MBOAT2: variants seen among roughly 807,000 people sequenced by gnomAD.
The protein encoded by MBOAT2 is membrane bound glycerophospholipid O-acyltransferase 2, also known as membrane-bound glycerophospholipid O-acyltransferase 2.
In MBOAT2, 28 loss-of-function variants were observed where a neutral mutation model predicts 63.4. The observed-to-expected ratio is 0.44, with a 90% CI of 0.33 to 0.61. The LOEUF (loss-of-function observed/expected upper bound fraction) is 0.61, where lower values mean the gene tolerates loss of function less well. MBOAT2 is among the 20% of genes least tolerant of loss of function. The pLI is 0.03. For missense variants in MBOAT2, 470 were observed against 605.8 expected (o/e 0.78, Z 2.35); for synonymous variants, 211 against 215.6 (o/e 0.98, Z 0.19).
intron 3 of MBOAT2, among the ~76,000 whole-genome samples, chr2:8,934,525 G>A (rs1305314424): frequency 6.6e-6 from 1 of 152,038 alleles, no homozygotes; most frequent in Non-Finnish European, 1.5e-5. Context: ...CTGACACATG[G>A]TAATTACTGA....
chr2:8,977,318 T>C (rs767397455), intron 1 of MBOAT2, among the ~76,000 whole-genome samples: 8 of 152,152 alleles, frequency 5.3e-5, no homozygotes, highest in Non-Finnish European at 8.8e-5. Flanking sequence ...CAGAAGGGTA[T>C]TTCATTGAAG....
intron 1 of MBOAT2, 144 bp from the exon 2 acceptor site, chr2:8,958,786 G>A: frequency 1.2e-6 from 1 of 818,834 alleles, no homozygotes; most frequent in Non-Finnish European, 1.8e-6. Context: ...AAAAATTGAG[G>A]GAAATCCCAA....
intron 3 of MBOAT2, among the ~76,000 whole-genome samples, chr2:8,938,503 G>A (rs941034197): frequency 4.6e-5 from 7 of 151,524 alleles, no homozygotes; most frequent in African/African-American, 9.7e-5. Flanking sequence ...GTTTCATGCC[G>A]CCACATTTTA....
intron 2 of MBOAT2, among the ~76,000 whole-genome samples, chr2:8,952,264 T>C (rs1472938262): frequency 6.6e-6 from 1 of 152,232 alleles, no homozygotes; most frequent in Non-Finnish European, 1.5e-5. Flanking sequence ...CCATTTTTAT[T>C]CAATTGTGGT....
intron 2 of MBOAT2, among the ~76,000 whole-genome samples, chr2:8,947,960 C>T (rs531009376): frequency 1.3e-4 from 20 of 152,244 alleles, no homozygotes; most frequent in South Asian, 4.2e-4. Flanking sequence ...ATTCCTCTGA[C>T]GGATCTAGGC....
chr2:8,958,522 A>T lies in MBOAT2; in HGVS notation c.196T>A (p.Tyr66Asn), dbSNP rs1669387431. Residue 66 changes from tyrosine to asparagine, a missense_variant, in exon 2 of 13, where the codon TAT becomes AAT. By Grantham distance (143) the Tyr-to-Asn change is moderately radical. This residue lies in a region of MBOAT2 where 376 missense variants were observed against 503.8 expected (regional missense o/e 0.75). Coordinates refer to ENST00000305997, the MANE Select transcript of MBOAT2 (RefSeq NM_138799.4). ...CATCCAAAGCAAAAAAGTGCAAGAT[A>T]AAGGCCCAAAAGGGTAGCAACTACA... Reference protein sequence around the residue: ...RHVVATLLGLYLALFCFGWYA... With the variant: ...RHVVATLLGLNLALFCFGWYA... 2 of 1,599,378 alleles carry T rather than the reference A, an allele frequency of 1.3e-6. No homozygotes were observed. Among genetic ancestry groups the T allele is most frequent in the Admixed American group, 1.8e-5 (1 of 55,500 alleles).
chr2:8,927,349 G>A (rs865875805), intron 3 of MBOAT2, among the ~76,000 whole-genome samples: 18 of 152,144 alleles, frequency 1.2e-4, no homozygotes, highest in Middle Eastern at 3.4e-3. Context: ...CATTCATATT[G>A]TCTGCTAAGT....
intron 9 of MBOAT2, among the ~76,000 whole-genome samples, chr2:8,868,062 C>T (rs1662030016): frequency 6.6e-6 from 1 of 152,162 alleles, no homozygotes; most frequent in Admixed American, 6.6e-5. Flanking sequence ...CTTGGAGTGT[C>T]CGGTTGTCTC....
At chr2:8,868,696 T>C (rs1456890542) in intron 8 of MBOAT2, 147 bp from the exon 9 acceptor site, 13 of 656,840 alleles carry the variant, frequency 2.0e-5, no homozygotes, top group Non-Finnish European at 3.0e-5. Flanking sequence ...CAACATCGCA[T>C]ACAATGAAAA....
chr2:8,878,754 T>C (rs555994511), intron 6 of MBOAT2, among the ~76,000 whole-genome samples: 5 of 152,242 alleles, frequency 3.3e-5, no homozygotes, highest in Non-Finnish European at 7.4e-5. Context: ...TTCTAACTTT[T>C]CCAGAATTAT....
intron 1 of MBOAT2, among the ~76,000 whole-genome samples, chr2:8,989,523 T>A (rs115302091): frequency 6.6e-6 from 1 of 152,100 alleles, no homozygotes; most frequent in Non-Finnish European, 1.5e-5. Flanking sequence ...AGCTGTATCA[T>A]CCCAGGAGAG....
intron 4 of MBOAT2, among the ~76,000 whole-genome samples, chr2:8,907,823 T>C (rs975618354): frequency 6.6e-6 from 1 of 152,210 alleles, no homozygotes; most frequent in Non-Finnish European, 1.5e-5. Context: ...AACTCTCTTG[T>C]TTTATAGAAG....
At position 8,976,619 on chromosome 2, in the gene MBOAT2, C is replaced by A. The variant is rs555269304; in HGVS notation, c.76-17977G>T. Among the ~76,000 whole-genome samples the A allele has an allele frequency of 5.9e-5, 9 of 152,214 alleles. No homozygotes were observed. In the South Asian group the frequency reaches 1.9e-3, roughly 32 times the overall value. ...CAAATGAGAAGCCAAGCAGCCCATC[C>A]CTGAACAGGAAGAAGGGGGATGAAT... On this transcript the variant is annotated intron_variant, in intron 1 of 12. Transcript: ENST00000305997.
intron 3 of MBOAT2, among the ~76,000 whole-genome samples, chr2:8,936,795 AAAAAAAAAAAG>A (rs1667692851): frequency 7.2e-6 from 1 of 138,016 alleles, no homozygotes; most frequent in Admixed American, 7.1e-5. Context: ...TCAAAAAAAA[AAAAAAAAAAAG>A]AAAAGAAAAA....
Position 8,864,210 on chromosome 2 carries a change from G to C in MBOAT2, c.1012C>G (p.Leu338Val). Residue 338 changes from leucine to valine, a missense_variant, in exon 10 of 13, where the codon CTT becomes GTT. This residue lies in a region of MBOAT2 where 376 missense variants were observed against 503.8 expected (regional missense o/e 0.75). Transcript: ENST00000305997. ...GCTGTCTGAATATTCCAATTATCAA[G>C]AAACATCTTGAAACTTGTTGACATC... is the stretch of plus-strand genomic sequence containing the variant. ...IEMSTSFKMF[L>V]DNWNIQTALW... The C allele has an allele frequency of 6.4e-7, 1 of 1,573,216 alleles. No individual in the cohort carries two copies. Among genetic ancestry groups the C allele is most frequent in the Non-Finnish European group, 8.6e-7 (1 of 1,165,094 alleles).
intron 1 of MBOAT2, among the ~76,000 whole-genome samples, chr2:8,978,821 C>T (rs1246001495): frequency 6.6e-6 from 1 of 150,940 alleles, no homozygotes; most frequent in African/African-American, 2.5e-5. Context: ...CCAGAACTTA[C>T]AGTAAAATAA....
chr2:8,989,981 C>T (rs926711042), intron 1 of MBOAT2, among the ~76,000 whole-genome samples: 17 of 152,192 alleles, frequency 1.1e-4, no homozygotes, highest in African/African-American at 4.1e-4. Flanking sequence ...GTAAGGGATG[C>T]TACGTTGCAG....
intron 1 of MBOAT2, among the ~76,000 whole-genome samples, chr2:8,962,790 C>T (rs1669703889): frequency 6.6e-6 from 1 of 151,604 alleles, no homozygotes; most frequent in African/African-American, 2.4e-5. Flanking sequence ...AAATTAAAAA[C>T]TTCTACAAAA....
intron 6 of MBOAT2, among the ~76,000 whole-genome samples, chr2:8,880,640 C>T (rs1342958780): frequency 6.6e-6 from 1 of 152,106 alleles, no homozygotes; most frequent in Non-Finnish European, 1.5e-5. Context: ...AAGTCCAGGG[C>T]TGAGGCCAGG....
Sources: gnomAD v4.1 joint callset for allele counts (sites outside exome capture counted in the v4.1 genomes callset) on GRCh38, gnomAD v4.1.1 for gene constraint, gnomAD v4.1.1 regional missense constraint, MANE v1.5 for transcripts, NCBI Gene and HGNC (gene_info 2026-07-23, HGNC 2026-07-21) for gene names.